Variants in SPCS2 observed in about 807,000 individuals in gnomAD.
SPCS2 encodes the protein signal peptidase complex subunit 2.
Under a neutral mutation model 22.3 loss-of-function variants are expected in SPCS2, and 3 were observed. The ratio of observed to expected loss-of-function variants is 0.13; its 90% confidence interval spans 0.06 to 0.35. SPCS2 has a LOEUF of 0.35. SPCS2 is among the 10% of genes least tolerant of loss of function. The probability of loss-of-function intolerance (pLI) is 1.00; values close to 1 mark genes in which losing one functional copy is unlikely to be tolerated. For missense variants in SPCS2, 169 were observed against 280.9 expected (o/e 0.60, Z 2.85); for synonymous variants, 67 against 97.2 (o/e 0.69, Z 1.83).
rs180824849 is a variant in SPCS2, at chr11:74,966,651, T to A, written c.359+728T>A. Among the ~76,000 whole-genome samples the A allele has an allele frequency of 5.3e-5, 8 of 152,298 alleles. No homozygotes were observed. In the East Asian group the frequency reaches 1.5e-3, roughly 29 times the overall value. The stretch of plus-strand genomic sequence containing the variant: ...ATGGTCGTTGCCTACCCAGCGTGAT[T>A]TTTTTTCTCAAGAAGTTGAATATAA... On this transcript the variant is annotated intron_variant, in intron 3 of 4. Transcript: ENST00000263672.
chr11:74,957,646 C>A (rs1948487766), intron 1 of SPCS2, among the ~76,000 whole-genome samples: 1 of 152,196 alleles, frequency 6.6e-6, no homozygotes, highest in African/African-American at 2.4e-5. Context: ...TATCCAAAAT[C>A]TTTTTTGCAG....
Position 74,978,680 on chromosome 11 carries a change from C to A in SPCS2, c.*1637C>A, listed in dbSNP as rs1054525080. 1.3e-5 allele frequency: 2 copies of A among 152,134 alleles called. No individual in the cohort carries two copies. Among genetic ancestry groups the A allele is most frequent in the Non-Finnish European group, 2.9e-5 (2 of 68,018 alleles). The allele number at this position is 152,134 out of a possible 1,614,324, so 9.4% of individuals were successfully genotyped here. A position where few individuals can be genotyped will look rare whatever the true frequency, so the allele number is the denominator to read the frequency against. On this transcript the variant is annotated 3_prime_UTR_variant, in exon 5 of 5. Coordinates refer to ENST00000263672, the MANE Select transcript of SPCS2 (RefSeq NM_014752.3). ...TGTAAATGCTATGTAAATAGTTATACTGCATTGGTTTTTTAATTTATATTT... is the reference window on the plus strand; with the variant it reads ...TGTAAATGCTATGTAAATAGTTATAATGCATTGGTTTTTTAATTTATATTT...
chr11:74,965,705 A>G (rs768763248), intron 2 of SPCS2, 58 bp from the exon 3 acceptor site: 1 of 1,425,424 alleles, frequency 7.0e-7, no homozygotes, highest in Non-Finnish European at 9.7e-7. Context: ...TCAAGAATAA[A>G]AGCACATACT....
chr11:74,954,497 C>T (rs902971485), intron 1 of SPCS2, among the ~76,000 whole-genome samples: 1 of 152,200 alleles, frequency 6.6e-6, no homozygotes, highest in Admixed American at 6.5e-5. Flanking sequence ...CACCCACCAA[C>T]CATATGTCCT....
At chr11:74,971,366 C>T (rs1948582972) in intron 4 of SPCS2, among the ~76,000 whole-genome samples, 1 of 152,156 alleles carries the variant, frequency 6.6e-6, no homozygotes, top group African/African-American at 2.4e-5. Flanking sequence ...GGGTAATACA[C>T]CTGGGAGAAG....
intron 1 of SPCS2, among the ~76,000 whole-genome samples, chr11:74,964,669 A>G (rs1043607462): frequency 6.6e-6 from 1 of 152,236 alleles, no homozygotes; most frequent in Admixed American, 6.5e-5. Context: ...GGTGGGATAT[A>G]CAAGTTTACA....
intron 4 of SPCS2, among the ~76,000 whole-genome samples, chr11:74,971,665 G>A (rs151267136): frequency 6.2e-4 from 94 of 152,280 alleles, no homozygotes; most frequent in Admixed American, 1.5e-3. Flanking sequence ...GTCATGTGAT[G>A]TGAAAATGGC....
chr11:74,959,194 T>G (rs548888511), intron 1 of SPCS2, among the ~76,000 whole-genome samples: 4 of 152,234 alleles, frequency 2.6e-5, no homozygotes, highest in Non-Finnish European at 5.9e-5. Context: ...TGGTAATTCT[T>G]CATCTCTCCA....
rs1320742056 is a variant in SPCS2 at position 74,977,200 on chromosome 11, T to C, written c.*157T>C. ...TAGTCTATTCTGGGTAAATAGGATT[T>C]TCTGACACAGATATGAGAAGTTGTA... On this transcript the variant is annotated 3_prime_UTR_variant, in exon 5 of 5. Coordinates refer to ENST00000263672, the MANE Select transcript of SPCS2 (RefSeq NM_014752.3). The C allele has an allele frequency of 2.7e-5, 33 of 1,232,082 alleles. No homozygotes were observed. The highest frequency in any genetic ancestry group is 3.2e-5 in the Non-Finnish European group (30 of 925,134). 76.3% of individuals were successfully genotyped at this position (1,232,082 alleles called of 1,614,324 possible). A position where few individuals can be genotyped will look rare whatever the true frequency, so the allele number is the denominator to read the frequency against.
intron 1 of SPCS2, among the ~76,000 whole-genome samples, chr11:74,950,555 A>C (rs1437972046): frequency 1.3e-5 from 2 of 152,154 alleles, no homozygotes; most frequent in Non-Finnish European, 2.9e-5. Flanking sequence ...CATGGTTCTC[A>C]CACTCTTCTC....
At chr11:74,955,686 TTTTATAG>T (rs1317583774) in intron 1 of SPCS2, among the ~76,000 whole-genome samples, 1 of 151,776 alleles carries the variant, frequency 6.6e-6, no homozygotes, top group Admixed American at 6.6e-5. Context: ...AAATAGTGAA[TTTTATAG>T]TGTGTGAACT....
chr11:74,959,441 G>A (rs1227752282), intron 1 of SPCS2, among the ~76,000 whole-genome samples: 1 of 152,160 alleles, frequency 6.6e-6, no homozygotes, highest in Non-Finnish European at 1.5e-5. Context: ...TGTCCAGGCT[G>A]GAGTGCAGTG....
chr11:74,960,502 CT>C (rs367939644), intron 1 of SPCS2, among the ~76,000 whole-genome samples: 2,113 of 143,870 alleles, frequency 0.015, 13 homozygotes, highest in Non-Finnish European at 0.021. Context: ...AGATTAACAT[CT>C]TTTTTTTTTT....
intron 1 of SPCS2, among the ~76,000 whole-genome samples, chr11:74,952,465 G>T (rs1220820481): frequency 6.6e-6 from 1 of 152,042 alleles, no homozygotes; most frequent in Non-Finnish European, 1.5e-5. Context: ...GGTTTCCTCT[G>T]CCCTTTTTAT....
intron 2 of SPCS2, 134 bp from the exon 3 acceptor site, chr11:74,965,629 T>C (rs1948540138): frequency 1.5e-6 from 1 of 677,128 alleles, no homozygotes; most frequent in African/African-American, 1.8e-5. Flanking sequence ...TTTACTTGTT[T>C]GGTGTGGTAA....
At chr11:74,963,676 C>A in intron 1 of SPCS2, 1 of 418,676 alleles carries the variant, frequency 2.4e-6, no homozygotes, top group Non-Finnish European at 4.8e-6. Flanking sequence ...TCCCAAGTAT[C>A]TGGGATGGCA....
chr11:74,965,717 G>A, intron 2 of SPCS2, 46 bp from the exon 3 acceptor site: 1 of 1,488,102 alleles, frequency 6.7e-7, no homozygotes, highest in South Asian at 1.1e-5. Flanking sequence ...GCACATACTG[G>A]GGAGGAAGTA....
chr11:74,954,294 A>G (rs1248265343), intron 1 of SPCS2, among the ~76,000 whole-genome samples: 3 of 152,382 alleles, frequency 2.0e-5, no homozygotes, highest in African/African-American at 2.4e-5. Flanking sequence ...CAACTTGCCC[A>G]AGACCACACA....
intron 1 of SPCS2, among the ~76,000 whole-genome samples, chr11:74,950,762 C>T (rs1948415281): frequency 6.6e-6 from 1 of 152,180 alleles, no homozygotes; most frequent in Non-Finnish European, 1.5e-5. Flanking sequence ...CCTGGCTGGT[C>T]TCAAATTCCT....
Sources: allele counts gnomAD v4.1 joint callset (sites outside exome capture counted in the v4.1 genomes callset), GRCh38; gene constraint gnomAD v4.1.1; transcripts MANE v1.5; gene names NCBI Gene and HGNC (gene_info 2026-07-23, HGNC 2026-07-21).